Variants in MDFIC2 observed in about 807,000 individuals in gnomAD.
MDFIC2 encodes the protein myoD family inhibitor domain-containing protein 2.
intron 2 of MDFIC2, among the ~76,000 whole-genome samples, chr3:70,221,342 A>G (rs1166459801): frequency 3.9e-5 from 6 of 152,160 alleles, no homozygotes; most frequent in Admixed American, 3.9e-4. Context: ...TGCGGAAGTT[A>G]TTATACGTTC....
chr3:70,306,407 G>A (rs372613956), intron 2 of MDFIC2, among the ~76,000 whole-genome samples: 9 of 152,084 alleles, frequency 5.9e-5, no homozygotes, highest in East Asian at 1.9e-4. Flanking sequence ...TACCTCACCC[G>A]GCCAATAATC....
At chr3:70,254,744 T>C (rs548339099) in intron 2 of MDFIC2, among the ~76,000 whole-genome samples, 2 of 152,312 alleles carry the variant, frequency 1.3e-5, no homozygotes, top group African/African-American at 4.8e-5. Context: ...CTCTACTCAA[T>C]AGAGATATTC....
rs573429944 is a variant in MDFIC2 at position 70,209,029 on chromosome 3, A to C, written c.89-2239T>G. Among the ~76,000 whole-genome samples the C allele has an allele frequency of 9.2e-5, 14 of 152,174 alleles. No individual in the cohort carries two copies. In the South Asian group the frequency reaches 1.5e-3, roughly 16 times the overall value. Reference sequence around the variant, plus strand: ...GAGAACACTAGGCTTCCTCTAACCCAAGAGGGATTCACCAAATTAATGATA... The same window carrying C: ...GAGAACACTAGGCTTCCTCTAACCCCAGAGGGATTCACCAAATTAATGATA... On this transcript the variant is annotated intron_variant, in intron 2 of 3. Coordinates refer to ENST00000567252, the MANE Select transcript of MDFIC2 (RefSeq NM_001364677.1).
chr3:70,243,938 G>A (rs1407934650), intron 2 of MDFIC2, among the ~76,000 whole-genome samples: 1 of 152,138 alleles, frequency 6.6e-6, no homozygotes. Flanking sequence ...GAGGAGGTAA[G>A]GGTCACCTTT....
At chr3:70,252,375 T>A (rs1352459170) in intron 2 of MDFIC2, among the ~76,000 whole-genome samples, 6 of 152,174 alleles carry the variant, frequency 3.9e-5, no homozygotes, top group Non-Finnish European at 8.8e-5. Flanking sequence ...AGTGTATGAC[T>A]TTTTTAGACA....
chr3:70,227,514 G>A (rs1307228557), intron 2 of MDFIC2, among the ~76,000 whole-genome samples: 1 of 152,138 alleles, frequency 6.6e-6, no homozygotes, highest in Admixed American at 6.5e-5. Flanking sequence ...TTCGATAGAG[G>A]GACAAGGCTA....
At chr3:70,236,171 G>A (rs1701606898) in intron 2 of MDFIC2, among the ~76,000 whole-genome samples, 1 of 152,076 alleles carries the variant, frequency 6.6e-6, no homozygotes, top group South Asian at 2.1e-4. Flanking sequence ...CCTTCGCATA[G>A]ATGACTGCTA....
Position 70,196,903 on chromosome 3 carries a change from C to T in MDFIC2, c.*23G>A, listed in dbSNP as rs956070112. The T allele has an allele frequency of 2.5e-5, 10 of 398,350 alleles. No homozygotes were observed. Among genetic ancestry groups the T allele is most frequent in the East Asian group, 1.1e-4 (3 of 28,088 alleles). 24.7% of individuals were successfully genotyped at this position (398,350 alleles called of 1,614,324 possible). ...TTCCCACCGTGGCCAAAAGGACTGCCGGAATGTGGTTACTTCACTGTGCTA... is the reference window on the plus strand; with the variant it reads ...TTCCCACCGTGGCCAAAAGGACTGCTGGAATGTGGTTACTTCACTGTGCTA... On this transcript the variant is annotated 3_prime_UTR_variant, in exon 4 of 4. Transcript: ENST00000567252.
chr3:70,256,487 CTCATTTAGT>C (rs1309664839), intron 2 of MDFIC2, among the ~76,000 whole-genome samples: 2 of 152,152 alleles, frequency 1.3e-5, no homozygotes, highest in Non-Finnish European at 2.9e-5. Flanking sequence ...GTCTCAGGAC[CTCATTTAGT>C]TCATTTAGTT....
intron 2 of MDFIC2, among the ~76,000 whole-genome samples, chr3:70,276,640 G>A (rs1308156565): frequency 6.6e-6 from 1 of 152,170 alleles, no homozygotes; most frequent in Non-Finnish European, 1.5e-5. Flanking sequence ...CTAAGGTAGA[G>A]GTCGATAAAC....
intron 2 of MDFIC2, among the ~76,000 whole-genome samples, chr3:70,308,958 G>T (rs1702430410): frequency 6.6e-6 from 1 of 152,194 alleles, no homozygotes; most frequent in Non-Finnish European, 1.5e-5. Flanking sequence ...GCAGTGTTCA[G>T]CTGGAGTTCC....
intron 2 of MDFIC2, among the ~76,000 whole-genome samples, chr3:70,250,566 C>T (rs76707409): frequency 0.042 from 6,318 of 152,046 alleles, 258 homozygotes; most frequent in East Asian, 0.14. Context: ...TTAAACTATT[C>T]GGGTGGAAAA....
chr3:70,280,073 C>T (rs548543146), intron 2 of MDFIC2, among the ~76,000 whole-genome samples: 1 of 152,268 alleles, frequency 6.6e-6, no homozygotes, highest in East Asian at 1.9e-4. Context: ...AGCAAGGCTG[C>T]ACTCCCTCTG....
Position 70,270,285 on chromosome 3 carries a change from A to G in MDFIC2, c.88+41601T>C, listed in dbSNP as rs142043711. On this transcript the variant is annotated intron_variant, in intron 2 of 3. Coordinates refer to ENST00000567252, the MANE Select transcript of MDFIC2 (RefSeq NM_001364677.1). ...TACAGCAAATCCTAGCACATTACAAAATATTTCAAAGCATGGGAAATAAAT... is the reference window on the plus strand; with the variant it reads ...TACAGCAAATCCTAGCACATTACAAGATATTTCAAAGCATGGGAAATAAAT... Among the ~76,000 whole-genome samples the G allele has an allele frequency of 1.5e-3, 224 of 152,366 alleles. 1 individual carries two copies. Among genetic ancestry groups the G allele is most frequent in the African/African-American group, 5.1e-3 (213 of 41,586 alleles).
chr3:70,254,434 A>T (rs1042537549), intron 2 of MDFIC2, among the ~76,000 whole-genome samples: 1 of 152,194 alleles, frequency 6.6e-6, no homozygotes, highest in Non-Finnish European at 1.5e-5. Flanking sequence ...AAATAACATG[A>T]TCCATTTTAG....
chr3:70,218,402 A>G (rs1484515154), intron 2 of MDFIC2, among the ~76,000 whole-genome samples: 1 of 152,116 alleles, frequency 6.6e-6, no homozygotes, highest in Non-Finnish European at 1.5e-5. Context: ...GTAAAGGTTT[A>G]TAAGCTTTAC....
rs186380981 is a variant in MDFIC2 at position 70,230,231 on chromosome 3, T to C, written c.89-23441A>G. On this transcript the variant is annotated intron_variant, in intron 2 of 3. Transcript: ENST00000567252. ...AGATACCATAATTTACATTGGACAG[T>C]GAATGCCCTTTTAAGAAAGTAAACA... Among the ~76,000 whole-genome samples, 15 of 152,318 alleles carry C rather than the reference T, an allele frequency of 9.8e-5. No individual in the cohort carries two copies. The East Asian group carries it at 2.7e-3, about 27-fold the overall frequency.
At chr3:70,226,576 A>AAAAATAC (rs1360718396) in intron 2 of MDFIC2, among the ~76,000 whole-genome samples, 1 of 151,980 alleles carries the variant, frequency 6.6e-6, no homozygotes, top group Non-Finnish European at 1.5e-5. Flanking sequence ...TGTCTCTATT[A>AAAAATAC]AAAATACAAA....
At chr3:70,273,468 G>T (rs911075592) in intron 2 of MDFIC2, among the ~76,000 whole-genome samples, 5 of 152,136 alleles carry the variant, frequency 3.3e-5, no homozygotes, top group Non-Finnish European at 7.4e-5. Context: ...TCACTCAGGA[G>T]ATCGTCCAGA....
Sources: gnomAD v4.1 joint callset for allele counts (sites outside exome capture counted in the v4.1 genomes callset) on GRCh38, gnomAD v4.1.1 for gene constraint, MANE v1.5 for transcripts, NCBI Gene and HGNC (gene_info 2026-07-23, HGNC 2026-07-21) for gene names.